Variants in NWD1 observed in about 807,000 individuals in gnomAD.
The protein encoded by NWD1 is NACHT and WD repeat domain containing 1, also known as NACHT domain- and WD repeat-containing protein 1.
Under a neutral mutation model 135.1 loss-of-function variants are expected in NWD1, and 129 were observed. That is an observed-to-expected ratio of 0.96 (90% CI 0.83 to 1.11). The LOEUF is 1.11. Ranked by LOEUF, NWD1 falls within the 50% of genes least tolerant of loss-of-function variation. NWD1 has a pLI of 0.00. For synonymous variants in NWD1, 773 were observed against 786.0 expected (o/e 0.98, Z 0.28); for missense variants, 1,740 against 1,851.3 (o/e 0.94, Z 1.10).
chr19:16,730,244 C>T (rs1451755948), intron 2 of NWD1, among the ~76,000 whole-genome samples: 1 of 151,664 alleles, frequency 6.6e-6, no homozygotes, highest in Non-Finnish European at 1.5e-5. Context: ...ATTGCTTGAA[C>T]CCAGGAGGCA....
intron 17 of NWD1, among the ~76,000 whole-genome samples, chr19:16,803,820 G>C (rs1398106439): frequency 6.6e-6 from 1 of 151,890 alleles, no homozygotes. Flanking sequence ...AGCTACTGGG[G>C]AGGCTGAGGC....
In NWD1 at chr19:16,815,256, A is replaced by T. The variant is rs11671361; in HGVS notation, c.*217A>T. The T allele has an allele frequency of 0.23, 177,411 of 781,670 alleles. 21,684 individuals are homozygous for T. Among genetic ancestry groups the T allele is most frequent in the Admixed American group, 0.3 (17,910 of 58,990 alleles). 48.4% of individuals were successfully genotyped at this position (781,670 alleles called of 1,614,324 possible). ...GTTGCAGCTGCAGGAGCTCCCCAGGACTTGGAGTCAGAAAGTGCCCAGGGA... is the reference window on the plus strand; with the variant it reads ...GTTGCAGCTGCAGGAGCTCCCCAGGTCTTGGAGTCAGAAAGTGCCCAGGGA... On this transcript the variant is annotated 3_prime_UTR_variant, in exon 19 of 19. Coordinates refer to ENST00000524140, the MANE Select transcript of NWD1 (RefSeq NM_001007525.5).
chr19:16,728,805 G>A (rs994487926), intron 2 of NWD1, among the ~76,000 whole-genome samples: 1 of 151,578 alleles, frequency 6.6e-6, no homozygotes, highest in Admixed American at 6.6e-5. Context: ...TTAGCTAGGC[G>A]TGGTGGCGGG....
At chr19:16,808,951 G>T (rs1455958347) in intron 18 of NWD1, among the ~76,000 whole-genome samples, 1 of 152,068 alleles carries the variant, frequency 6.6e-6, no homozygotes, top group Non-Finnish European at 1.5e-5. Context: ...TGGGCATGGT[G>T]ATGTGCACCT....
intron 18 of NWD1, chr19:16,812,886 C>G: frequency 1.3e-6 from 1 of 780,496 alleles, no homozygotes; most frequent in South Asian, 1.3e-5. Flanking sequence ...GATTGAGCTT[C>G]GATCTGGAGA....
chr19:16,794,448 C>T lies in NWD1; in HGVS notation c.3214-15C>T. The stretch of plus-strand genomic sequence containing the variant: ...CCCGTGGAAGTGCCTGACAGGCATC[C>T]CTGGTTCTGCACAGGTTTCCTCCAA... On this transcript the variant is annotated splice_polypyrimidine_tract_variant and intron_variant, in intron 14 of 18. Coordinates refer to ENST00000524140, the MANE Select transcript of NWD1 (RefSeq NM_001007525.5). 6.5e-7 allele frequency: 1 copy of T among 1,550,130 alleles called. No homozygotes were observed. The highest frequency in any genetic ancestry group is 8.9e-7 in the Non-Finnish European group (1 of 1,123,544).
rs1162657177 is a variant in NWD1 at position 16,731,225 on chromosome 19, C to T, written c.28C>T (p.Leu10=). The T allele has an allele frequency of 4.6e-6, 7 of 1,534,498 alleles. No homozygotes were observed. The highest frequency in any genetic ancestry group is 6.1e-6 in the Non-Finnish European group (7 of 1,145,538). The change falls in exon 3 of 19, where the codon CTG becomes TTG. Residue 10 remains leucine, a synonymous_variant. Coordinates refer to ENST00000524140, the MANE Select transcript of NWD1 (RefSeq NM_001007525.5). Reference sequence around the variant, plus strand: ...GCAGAGAGGGAAGCCCTGCAGAGCACTGCCTACCCTGAAGTGCCAGACCTT... The same window carrying T: ...GCAGAGAGGGAAGCCCTGCAGAGCATTGCCTACCCTGAAGTGCCAGACCTT... MQRGKPCRA[L]PTLKCQTFCQ... is the part of the protein sequence containing the mutation.
At chr19:16,802,513 T>C (rs1322828558) in intron 17 of NWD1, among the ~76,000 whole-genome samples, 1 of 149,556 alleles carries the variant, frequency 6.7e-6, no homozygotes, top group East Asian at 2.0e-4. Context: ...TCTCTCTTGC[T>C]TCCTCTGGCC....
At chr19:16,755,791 G>C (rs1239333009) in intron 6 of NWD1, among the ~76,000 whole-genome samples, 1 of 151,908 alleles carries the variant, frequency 6.6e-6, no homozygotes, top group African/African-American at 2.4e-5. Flanking sequence ...TCCCACCTTG[G>C]CCTCCCAAAG....
At chr19:16,814,565 CTG>C (rs1282596505) in intron 18 of NWD1, among the ~76,000 whole-genome samples, 16 of 152,298 alleles carry the variant, frequency 1.1e-4, no homozygotes, top group African/African-American at 3.8e-4. Flanking sequence ...GTTGAATACA[CTG>C]TAATCTGATA....
rs142164743 is a variant in NWD1 at position 16,731,296 on chromosome 19, C to T, written c.81+18C>T. 5.3e-4 allele frequency: 758 copies of T among 1,442,344 alleles called. 2 individuals are homozygous for T. In the African/African-American group the frequency reaches 7.1e-3, roughly 14 times the overall value. The allele number at this position is 1,442,344 out of a possible 1,614,324, so 89.3% of individuals were successfully genotyped here. A position where few individuals can be genotyped will look rare whatever the true frequency, so the allele number is the denominator to read the frequency against. ...TGTTTGAGGTAACTGGAAGTCACTC[C>T]GGGCTCCATGCTTTTTTTATTTTTT... On this transcript the variant is annotated intron_variant, in intron 3 of 18. Coordinates refer to ENST00000524140, the MANE Select transcript of NWD1 (RefSeq NM_001007525.5).
intron 10 of NWD1, among the ~76,000 whole-genome samples, chr19:16,772,507 C>A (rs796480): frequency 6.6e-6 from 1 of 152,096 alleles, no homozygotes; most frequent in African/African-American, 2.4e-5. Context: ...TTAGTTGGGC[C>A]TGGTGGCGGG....
In NWD1 at chr19:16,736,769, A is replaced by G; in HGVS notation, c.198+19A>G. Reference sequence around the variant, plus strand: ...TTTTGTTGTGAGTGTCTTGGGAGGAATGGGTTAGCTCTTACTCCTCCAGGA... The same window carrying G: ...TTTTGTTGTGAGTGTCTTGGGAGGAGTGGGTTAGCTCTTACTCCTCCAGGA... On this transcript the variant is annotated intron_variant, in intron 4 of 18. Coordinates refer to ENST00000524140, the MANE Select transcript of NWD1 (RefSeq NM_001007525.5). 9.4e-6 allele frequency: 13 copies of G among 1,385,252 alleles called. No individual in the cohort carries two copies. The highest frequency in any genetic ancestry group is 1.3e-5 in the Non-Finnish European group (13 of 1,008,850). 85.8% of individuals were successfully genotyped at this position (1,385,252 alleles called of 1,614,324 possible).
In NWD1 at chr19:16,725,736, A is replaced by G. The variant is rs1435735034; in HGVS notation, c.-7+1273A>G. Among the ~76,000 whole-genome samples the G allele has an allele frequency of 3.3e-5, 5 of 150,874 alleles. No individual in the cohort carries two copies. In the East Asian group the frequency reaches 9.9e-4, roughly 30 times the overall value. On this transcript the variant is annotated intron_variant, in intron 2 of 18. Transcript: ENST00000524140. ...CCTGGCTTATTTCTGTATTTTTAGT[A>G]GAGATGGGGTTTCACCATGTTGGCC...
At chr19:16,737,908 TGAGCC>T (rs899201180) in intron 4 of NWD1, among the ~76,000 whole-genome samples, 37 of 151,034 alleles carry the variant, frequency 2.4e-4, no homozygotes, top group African/African-American at 8.8e-4. Flanking sequence ...GAGGTTGCAG[TGAGCC>T]GAGATCATGC....
chr19:16,792,876 C>CAAAAAAAAA (rs1189102088), intron 14 of NWD1, among the ~76,000 whole-genome samples: 2 of 51,880 alleles, frequency 3.9e-5, no homozygotes, highest in Non-Finnish European at 8.3e-5. Flanking sequence ...AACTCCATCT[C>CAAAAAAAAA]AAAAAAAAAA....
intron 4 of NWD1, among the ~76,000 whole-genome samples, chr19:16,744,137 C>T (rs1968201758): frequency 6.6e-6 from 1 of 151,970 alleles, no homozygotes; most frequent in Admixed American, 6.6e-5. Context: ...GACAGTAATC[C>T]CAGCACTTTG....
chr19:16,791,289 C>T (rs912632439), intron 13 of NWD1, 61 bp from the exon 14 acceptor site: 50 of 1,495,248 alleles, frequency 3.3e-5, no homozygotes, highest in African/African-American at 1.7e-4. Flanking sequence ...CATTTGACTC[C>T]GGGAAACTTG....
At chr19:16,796,945 G>A (rs1322039972) in intron 15 of NWD1, among the ~76,000 whole-genome samples, 4 of 152,112 alleles carry the variant, frequency 2.6e-5, no homozygotes, top group Non-Finnish European at 5.9e-5. Context: ...TTGGAAGTCC[G>A]AGGTGGGCGG....
Sources: gnomAD v4.1 joint callset for allele counts (sites outside exome capture counted in the v4.1 genomes callset) on GRCh38, gnomAD v4.1.1 for gene constraint, MANE v1.5 for transcripts, NCBI Gene and HGNC (gene_info 2026-07-23, HGNC 2026-07-21) for gene names.